The following SORCS1 variants were observed in gnomAD, a reference collection of about 807,000 sequenced individuals.
The protein encoded by SORCS1 is sortilin related VPS10 domain containing receptor 1, also known as VPS10 domain-containing receptor SorCS1.
SORCS1 carries 60 observed loss-of-function variants against 146.1 expected under a neutral mutation model. The observed-to-expected ratio is 0.41, with a 90% confidence interval of 0.33 to 0.51. The LOEUF is 0.51. Ranked by LOEUF, SORCS1 falls within the 20% of genes least tolerant of loss-of-function variation. The probability of loss-of-function intolerance (pLI) is 0.21; values close to 1 mark genes in which losing one functional copy is unlikely to be tolerated. For missense variants in SORCS1, 1,352 were observed against 1,487.6 expected (o/e 0.91, Z 1.50); for synonymous variants, 637 against 584.0 (o/e 1.09, Z -1.31).
chr10:106,682,192 A>G (rs778774764), intron 10 of SORCS1, among the ~76,000 whole-genome samples: 4 of 152,138 alleles, frequency 2.6e-5, no homozygotes, highest in Non-Finnish European at 5.9e-5. Context: ...AAACAAGAAC[A>G]AAGAAAAGAT....
At chr10:106,729,840 C>T (rs1856466924) in intron 6 of SORCS1, among the ~76,000 whole-genome samples, 1 of 152,120 alleles carries the variant, frequency 6.6e-6, no homozygotes, top group Admixed American at 6.6e-5. Flanking sequence ...TGCCTGCCTA[C>T]CTATCCTTAG....
chr10:106,716,978 C>A (rs756455106), intron 6 of SORCS1, among the ~76,000 whole-genome samples: 1 of 152,146 alleles, frequency 6.6e-6, no homozygotes, highest in Admixed American at 6.5e-5. Flanking sequence ...TTACAGGTCT[C>A]TGGGACTCTA....
chr10:106,649,701 G>C (rs1022021325), intron 18 of SORCS1, among the ~76,000 whole-genome samples: 3 of 152,044 alleles, frequency 2.0e-5, no homozygotes, highest in African/African-American at 4.8e-5. Context: ...AATGATTCAG[G>C]TTCCTTATCT....
At chr10:106,695,057 C>A (rs73378395) in intron 9 of SORCS1, among the ~76,000 whole-genome samples, 3,640 of 152,172 alleles carry the variant, frequency 0.024, 161 homozygotes, top group African/African-American at 0.084. Flanking sequence ...GCTCTGGCCA[C>A]CATCAGACAT....
chr10:106,698,832 T>C (rs1853907572), intron 9 of SORCS1, among the ~76,000 whole-genome samples: 2 of 152,152 alleles, frequency 1.3e-5, no homozygotes, highest in African/African-American at 4.8e-5. Context: ...CTTCATTCTT[T>C]CTTCTGAGAG....
chr10:106,953,399 G>A (rs1954792745), intron 2 of SORCS1, among the ~76,000 whole-genome samples: 2 of 151,880 alleles, frequency 1.3e-5, no homozygotes, highest in Non-Finnish European at 2.9e-5. Context: ...TTGCTATACT[G>A]TATTTTTTTA....
At chr10:106,791,978 C>T (rs764515207) in intron 3 of SORCS1, among the ~76,000 whole-genome samples, 4 of 152,142 alleles carry the variant, frequency 2.6e-5, no homozygotes, top group Non-Finnish European at 5.9e-5. Flanking sequence ...TCATTTGATA[C>T]ACAGACTGGT....
rs548141518 is a variant in SORCS1, at chr10:107,090,439, T to C, written c.558+73530A>G. 3.9e-5 allele frequency among the ~76,000 whole-genome samples: 6 copies of C among 152,196 alleles called. 1 individual carries two copies. In the South Asian group the frequency reaches 8.3e-4, roughly 21 times the overall value. On this transcript the variant is annotated intron_variant, in intron 1 of 25. Transcript: ENST00000263054. ...GAGGAGTTTGGACTTGTAATTCAGG[T>C]TGGGTCACGGCTTCACGAACATTAC...
intron 1 of SORCS1, among the ~76,000 whole-genome samples, chr10:107,108,014 G>C (rs1211638318): frequency 6.6e-6 from 1 of 152,150 alleles, no homozygotes; most frequent in African/African-American, 2.4e-5. Flanking sequence ...AACGCAGAGG[G>C]AGAAATGCCT....
At chr10:107,079,639 C>T (rs1963172417) in intron 1 of SORCS1, among the ~76,000 whole-genome samples, 1 of 152,134 alleles carries the variant, frequency 6.6e-6, no homozygotes, top group South Asian at 2.1e-4. Context: ...GAAATTTGTG[C>T]CCCAATTCCG....
intron 17 of SORCS1, among the ~76,000 whole-genome samples, chr10:106,653,691 T>C (rs559827020): frequency 6.6e-6 from 1 of 152,302 alleles, no homozygotes; most frequent in African/African-American, 2.4e-5. Context: ...GGAGATACTG[T>C]CTGGAAAAGT....
chr10:106,942,662 T>C (rs1430392829), intron 2 of SORCS1, among the ~76,000 whole-genome samples: 2 of 152,160 alleles, frequency 1.3e-5, no homozygotes, highest in Non-Finnish European at 2.9e-5. Flanking sequence ...TGGGAGTCCC[T>C]ATCCTGGCAT....
intron 2 of SORCS1, among the ~76,000 whole-genome samples, chr10:106,840,836 T>A (rs1373360149): frequency 7.1e-6 from 1 of 140,802 alleles, no homozygotes; most frequent in Non-Finnish European, 1.5e-5. Flanking sequence ...CATTTTTTAG[T>A]TATATTATAT....
rs796102027 is a variant in SORCS1 at position 107,084,085 on chromosome 10, G to A, written c.558+79884C>T. Among the ~76,000 whole-genome samples, 771 of 124,358 alleles carry A rather than the reference G, an allele frequency of 6.2e-3. 4 individuals carry two copies. Among genetic ancestry groups the A allele is most frequent in the African/African-American group, 0.022 (740 of 33,798 alleles). 81.6% of individuals were successfully genotyped at this position (124,358 alleles called of 152,430 possible). A position where few individuals can be genotyped will look rare whatever the true frequency, so the allele number is the denominator to read the frequency against. On this transcript the variant is annotated intron_variant, in intron 1 of 25. Transcript: ENST00000263054. ...GGGGAAAAGGTGGGTTATTTTTGTT[G>A]TTTTTTGTTTTTTTTTTTTTTTTTT...
intron 2 of SORCS1, among the ~76,000 whole-genome samples, chr10:106,917,688 C>A (rs1952512183): frequency 6.6e-6 from 1 of 152,142 alleles, no homozygotes; most frequent in African/African-American, 2.4e-5. Flanking sequence ...GCAAAATCTG[C>A]CCCTGACACC....
chr10:107,132,853 A>G (rs1326452739), intron 1 of SORCS1, among the ~76,000 whole-genome samples: 1 of 149,608 alleles, frequency 6.7e-6, no homozygotes, highest in African/African-American at 2.5e-5. Context: ...CATATATTTC[A>G]AAAATAAAAA....
At chr10:106,959,402 C>A (rs1415645624) in intron 1 of SORCS1, among the ~76,000 whole-genome samples, 1 of 152,132 alleles carries the variant, frequency 6.6e-6, no homozygotes, top group Non-Finnish European at 1.5e-5. Context: ...ATTTCTTTTT[C>A]TTTTTTCCCT....
At chr10:106,889,199 G>C (rs1375704834) in intron 2 of SORCS1, among the ~76,000 whole-genome samples, 1 of 152,106 alleles carries the variant, frequency 6.6e-6, no homozygotes, top group Non-Finnish European at 1.5e-5. Flanking sequence ...CCAAAAGCTT[G>C]GCAGAAAGCT....
chr10:106,816,460 C>T (rs1391387970), intron 3 of SORCS1, among the ~76,000 whole-genome samples: 1 of 152,184 alleles, frequency 6.6e-6, no homozygotes, highest in Non-Finnish European at 1.5e-5. Flanking sequence ...TTTGGTCTCT[C>T]TGTCAGCTTG....
Sources: allele counts gnomAD v4.1 joint callset (sites outside exome capture counted in the v4.1 genomes callset), GRCh38; gene constraint gnomAD v4.1.1; transcripts MANE v1.5; gene names NCBI Gene and HGNC (gene_info 2026-07-23, HGNC 2026-07-21).